Variants in PHLDB1 observed in about 807,000 individuals in gnomAD.
The protein encoded by PHLDB1 is pleckstrin homology-like domain family B member 1.
PHLDB1 carries 65 observed loss-of-function variants against 139.3 expected under a neutral mutation model. That is an observed-to-expected ratio of 0.47 (90% CI 0.38 to 0.57). The LOEUF (loss-of-function observed/expected upper bound fraction) is 0.57. Ranked by LOEUF, PHLDB1 falls within the 20% of genes least tolerant of loss-of-function variation. PHLDB1 has a pLI of 0.00. For synonymous variants in PHLDB1, 679 were observed against 734.5 expected (o/e 0.92, Z 1.22); for missense variants, 1,624 against 1,839.7 (o/e 0.88, Z 2.14).
At chr11:118,644,707 T>C (rs1324930736) in intron 15 of PHLDB1, 6 of 1,287,432 alleles carry the variant, frequency 4.7e-6, no homozygotes, top group Non-Finnish European at 5.1e-6. Flanking sequence ...ACGTTGGTCA[T>C]AGAGGGCATT....
At position 118,643,520 on chromosome 11, in the gene PHLDB1, T is replaced by C. The variant is rs1283016867; in HGVS notation, c.2878-280T>C. On this transcript the variant is annotated intron_variant, in intron 13 of 22. Transcript: ENST00000600882. ...CTAGTTGGTCTCCTGCACAACTGCCTGACTGACATTAAATCCTTGCATGGG... is the reference window on the plus strand; with the variant it reads ...CTAGTTGGTCTCCTGCACAACTGCCCGACTGACATTAAATCCTTGCATGGG... 7.1e-6 allele frequency: 7 copies of C among 985,318 alleles called. No homozygotes were observed. The African/African-American group carries it at 8.7e-5, about 12-fold the overall frequency. 61.0% of individuals were successfully genotyped at this position (985,318 alleles called of 1,614,324 possible). A position where few individuals can be genotyped will look rare whatever the true frequency, so the allele number is the denominator to read the frequency against.
chr11:118,631,330 C>A lies in PHLDB1; in HGVS notation c.1951C>A (p.Arg651=). ...CACCGCAGCATTGGCACTGGCAGGC[C>A]GGAGGCCCTCACGAGGCCTTGCAGG... ...EATAALALAG[R]RPSRGLAGAS... is the part of the protein sequence containing the mutation. The change falls in exon 7 of 23, where the codon CGG becomes AGG. Residue 651 remains arginine (R), a synonymous_variant. Transcript: ENST00000600882. 1.3e-6 allele frequency: 2 copies of A among 1,540,616 alleles called. No individual in the cohort carries two copies. The highest frequency in any genetic ancestry group is 2.1e-5 in the Admixed American group (1 of 47,312).
chr11:118,614,668 T>C lies in PHLDB1; in HGVS notation c.170T>C (p.Leu57Pro). Residue 57 changes from leucine to proline, a missense_variant, in exon 3 of 23, where the codon CTG becomes CCG. Physicochemically the swap from Leu to Pro is moderately conservative, Grantham distance 98. Transcript: ENST00000600882. Reference protein sequence around the residue: ...SGRLSTAITLLPLEEGRTVIG... With the variant: ...SGRLSTAITLPPLEEGRTVIG... ...CGACTCAGCACAGCCATCACCCTCC[T>C]GCCGCTGGAGGAAGGTAAGTGTGAA... 6.2e-7 allele frequency: 1 copy of C among 1,613,812 alleles called. No individual in the cohort carries two copies. The highest frequency in any genetic ancestry group is 1.3e-5 in the African/African-American group (1 of 75,034).
chr11:118,657,917 C>T lies in PHLDB1; in HGVS notation c.*1094C>T, dbSNP rs1445387217. 2 of 217,620 alleles carry T rather than the reference C, an allele frequency of 9.2e-6. No individual in the cohort carries two copies. The highest frequency in any genetic ancestry group is 4.5e-5 in the African/African-American group (2 of 44,244). 13.5% of individuals were successfully genotyped at this position (217,620 alleles called of 1,614,324 possible). A position where few individuals can be genotyped will look rare whatever the true frequency, so the allele number is the denominator to read the frequency against. Reference sequence around the variant, plus strand: ...CCTTCACGCCTTAACACTAAGCCCACCTCCCCTGCTCTCCTTCCCAGCATT... The same window carrying T: ...CCTTCACGCCTTAACACTAAGCCCATCTCCCCTGCTCTCCTTCCCAGCATT... On this transcript the variant is annotated 3_prime_UTR_variant, in exon 23 of 23. Coordinates refer to ENST00000600882, the MANE Select transcript of PHLDB1 (RefSeq NM_001144758.3).
In PHLDB1 at chr11:118,645,141, G is replaced by T. The variant is rs951715898; in HGVS notation, c.3122-215G>T. The T allele has an allele frequency of 1.0e-5, 5 of 497,542 alleles. No homozygotes were observed. Among genetic ancestry groups the T allele is most frequent in the African/African-American group, 7.9e-5 (4 of 50,760 alleles). 30.8% of individuals were successfully genotyped at this position (497,542 alleles called of 1,614,324 possible). A position where few individuals can be genotyped will look rare whatever the true frequency, so the allele number is the denominator to read the frequency against. On this transcript the variant is annotated intron_variant, in intron 15 of 22. Transcript: ENST00000600882. The surrounding 1 kb of genome is among the most constrained non-coding windows in gnomAD (Gnocchi z 5.1). ...AGGGTGCGAAAGAGCACTGAAGCCAGACTGTGCATCTGTGGCCGGTTGTGC... is the reference window on the plus strand; with the variant it reads ...AGGGTGCGAAAGAGCACTGAAGCCATACTGTGCATCTGTGGCCGGTTGTGC...
intron 4 of PHLDB1, among the ~76,000 whole-genome samples, chr11:118,619,948 T>C (rs781806936): frequency 3.3e-5 from 5 of 152,178 alleles, no homozygotes; most frequent in African/African-American, 1.2e-4. Flanking sequence ...CTGGGGGATG[T>C]GTGCATGAGA....
At position 118,638,950 on chromosome 11, in the gene PHLDB1, A is replaced by G. The variant is rs483598; in HGVS notation, c.2595A>G (p.Glu865=). The G allele has an allele frequency of 0.56, 901,758 of 1,612,580 alleles. 254,901 individuals carry two copies. The highest frequency in any genetic ancestry group is 0.74 in the Admixed American group (44,163 of 59,902). The change falls in exon 11 of 23, where the codon GAA becomes GAG. Residue 865 remains glutamate (E), a synonymous_variant. Coordinates refer to ENST00000600882, the MANE Select transcript of PHLDB1 (RefSeq NM_001144758.3). The part of the protein sequence containing the change: ...AGQIRAQAVQ[E]SERLARDKNA... ...AGATCCGGGCTCAGGCCGTGCAGGAATCAGAACGCCTGGCCCGGGACAAGA... is the reference window on the plus strand; with the variant it reads ...AGATCCGGGCTCAGGCCGTGCAGGAGTCAGAACGCCTGGCCCGGGACAAGA...
intron 1 of PHLDB1, among the ~76,000 whole-genome samples, chr11:118,612,482 G>A (rs971359594): frequency 5.9e-5 from 9 of 152,182 alleles, no homozygotes; most frequent in Non-Finnish European, 1.2e-4. Flanking sequence ...CCATGGCCAG[G>A]AATTCTGGGG....
chr11:118,644,075 G>C lies in PHLDB1; in HGVS notation c.3022G>C (p.Ala1008Pro). The stretch of plus-strand genomic sequence containing the variant: ...CGAACTCTCCATTCCTCTGCAGAGC[G>C]CTCTACTCACCCAGAATGGCACGGG... ...TLGRSPSPKS[A>P]LLTQNGTGSL... The change falls in exon 15 of 23, where the codon GCT becomes CCT. Residue 1008 changes from alanine (A) to proline (P), a missense_variant. By Grantham distance (27) the Ala-to-Pro change is conservative. Coordinates refer to ENST00000600882, the MANE Select transcript of PHLDB1 (RefSeq NM_001144758.3). 6.2e-7 allele frequency: 1 copy of C among 1,613,548 alleles called. No homozygotes were observed. Among genetic ancestry groups the C allele is most frequent in the South Asian group, 1.1e-5 (1 of 90,996 alleles).
intron 10 of PHLDB1, chr11:118,636,731 C>T (rs1945716286): frequency 6.6e-6 from 1 of 152,222 alleles, no homozygotes; most frequent in African/African-American, 2.4e-5. Context: ...TCCCACGTTC[C>T]TTCGACTGTA....
At chr11:118,635,623 A>G (rs896469003) in intron 10 of PHLDB1, 75 bp downstream of exon 10, 7 of 1,296,998 alleles carry the variant, frequency 5.4e-6, no homozygotes, top group Admixed American at 3.5e-5. Context: ...TGACCTCACA[A>G]AAGTTAACTT....
In PHLDB1 at chr11:118,635,135, G is replaced by A. The variant is rs538037065; in HGVS notation, c.2380-258G>A. 4 of 577,308 alleles carry A rather than the reference G, an allele frequency of 6.9e-6. No individual in the cohort carries two copies. The South Asian group carries it at 7.9e-5, about 11-fold the overall frequency. 35.8% of individuals were successfully genotyped at this position (577,308 alleles called of 1,614,324 possible). On this transcript the variant is annotated intron_variant, in intron 9 of 22. Transcript: ENST00000600882. The stretch of plus-strand genomic sequence containing the variant: ...GGAGAGCGGTGGGACGGGACCACCT[G>A]GCCTCTGCAGTACCTGCCGGACACC...
rs1350207893 is a variant in PHLDB1 at position 118,632,356 on chromosome 11, A to G, written c.2379+60A>G. ...CCAGTGGCCTGGGAGAGAAGGAGAA[A>G]TGTCTTCTCTGGGGCCCTGTACCCT... On this transcript the variant is annotated intron_variant, in intron 9 of 22. Coordinates refer to ENST00000600882, the MANE Select transcript of PHLDB1 (RefSeq NM_001144758.3). This position sits in a 1 kb window ranked among gnomAD's most constrained non-coding sequence, Gnocchi z 5.9. 7 of 1,543,986 alleles carry G rather than the reference A, an allele frequency of 4.5e-6. No homozygotes were observed. The highest frequency in any genetic ancestry group is 6.3e-6 in the Non-Finnish European group (7 of 1,119,344).
intron 5 of PHLDB1, among the ~76,000 whole-genome samples, chr11:118,625,658 G>T (rs1943731522): frequency 6.6e-6 from 1 of 152,184 alleles, no homozygotes. Context: ...CTCAGACTTT[G>T]CACTGGCATT....
In PHLDB1 at chr11:118,645,177, A is replaced by G. The variant is rs1423518182; in HGVS notation, c.3122-179A>G. 13 of 506,296 alleles carry G rather than the reference A, an allele frequency of 2.6e-5. No individual in the cohort carries two copies. Among genetic ancestry groups the G allele is most frequent in the Non-Finnish European group, 4.1e-5 (12 of 291,600 alleles). 31.4% of individuals were successfully genotyped at this position (506,296 alleles called of 1,614,324 possible). The stretch of plus-strand genomic sequence containing the variant: ...TGTGGCCGGTTGTGCAGGCGACTGA[A>G]GCATTGGCAGAGCAGCCAGGCCTGG... On this transcript the variant is annotated intron_variant, in intron 15 of 22. Transcript: ENST00000600882. The surrounding 1 kb of genome is among the most constrained non-coding windows in gnomAD (Gnocchi z 5.1).
rs1352005373 is a variant in PHLDB1, at chr11:118,611,820, AAAAAAAAAAAAAAAT to A, written c.-21-1993_-21-1979del. Among the ~76,000 whole-genome samples the A allele has an allele frequency of 9.7e-6, 1 of 103,496 alleles. No homozygotes were observed. Among genetic ancestry groups the A allele is most frequent in the Non-Finnish European group, 2.4e-5 (1 of 41,766 alleles). 67.9% of individuals were successfully genotyped at this position (103,496 alleles called of 152,430 possible). On this transcript the variant is annotated intron_variant, in intron 1 of 22. Transcript: ENST00000600882. This position sits in a 1 kb window ranked among gnomAD's most constrained non-coding sequence, Gnocchi z 4.7. ...GCAACAAGAGTGAAACTCCGTCTCAAAAAAAAAAAAAAAATAATAATAATAATAATAAATGGCATT... is the reference window on the plus strand; with the variant it reads ...GCAACAAGAGTGAAACTCCGTCTCAAAATAATAATAATAATAAATGGCATT...
Position 118,620,046 on chromosome 11 carries a change from G to T in PHLDB1, c.355+3835G>T, listed in dbSNP as rs1392311638. Among the ~76,000 whole-genome samples, 1 of 152,226 alleles carries T rather than the reference G, an allele frequency of 6.6e-6. No homozygotes were observed. Among genetic ancestry groups the T allele is most frequent in the Non-Finnish European group, 1.5e-5 (1 of 68,044 alleles). On this transcript the variant is annotated intron_variant, in intron 4 of 22. Transcript: ENST00000600882. This position sits in a 1 kb window ranked among gnomAD's most constrained non-coding sequence, Gnocchi z 4.1. ...GATGAAGTAGTGTCAGTGTGACTGA[G>T]CAAGTGTTGGTGTGTATCTGAGAGA...
intron 7 of PHLDB1, 33 bp from the exon 8 acceptor site, chr11:118,631,880 G>A (rs781926015): frequency 6.3e-7 from 1 of 1,580,692 alleles, no homozygotes; most frequent in Non-Finnish European, 8.6e-7. Context: ...AAGGCTCTAG[G>A]CTTCCTCAGT....
rs1944762921 is a variant in PHLDB1, at chr11:118,631,291, A to G, written c.1912A>G (p.Ser638Gly). The part of the protein sequence containing the change: ...DGGPEAGELP[S>G]IGEATAALAL... Reference sequence around the variant, plus strand: ...GGGACCTGAGGCTGGGGAGCTTCCCAGCATTGGGGAGGCCACCGCAGCATT... The same window carrying G: ...GGGACCTGAGGCTGGGGAGCTTCCCGGCATTGGGGAGGCCACCGCAGCATT... The change falls in exon 7 of 23, where the codon AGC (serine) becomes GGC (glycine). Residue 638 changes from serine to glycine, a missense_variant. By Grantham distance (56) the Ser-to-Gly change is moderately conservative. Transcript: ENST00000600882. 7.9e-6 allele frequency: 12 copies of G among 1,527,980 alleles called. No homozygotes were observed. The highest frequency in any genetic ancestry group is 1.4e-5 in the African/African-American group (1 of 70,344). 94.7% of individuals were successfully genotyped at this position (1,527,980 alleles called of 1,614,324 possible).
Sources: allele counts gnomAD v4.1 joint callset (sites outside exome capture counted in the v4.1 genomes callset), GRCh38; gene constraint gnomAD v4.1.1; non-coding constraint Gnocchi (gnomAD v3.1); transcripts MANE v1.5; gene names NCBI Gene and HGNC (gene_info 2026-07-23, HGNC 2026-07-21).